The following VPS8 variants were observed in gnomAD, a reference collection of about 807,000 sequenced individuals.
VPS8 encodes the protein vacuolar protein sorting-associated protein 8 homolog.
Under a neutral mutation model 216.4 loss-of-function variants are expected in VPS8, and 129 were observed. The observed-to-expected ratio is 0.60, with a 90% confidence interval of 0.52 to 0.69. The LOEUF (loss-of-function observed/expected upper bound fraction) is 0.69, where lower values mean the gene tolerates loss of function less well. Among genes scored for constraint, VPS8 ranks in the 30% least tolerant of loss-of-function variants. The pLI is 0.00. For missense variants in VPS8, 1,531 were observed against 1,683.5 expected, an observed-to-expected ratio of 0.91 and a Z score of 1.59; for synonymous variants, 571 against 565.4, an observed-to-expected ratio of 1.01 and a Z score of -0.14.
intron 45 of VPS8, among the ~76,000 whole-genome samples, chr3:185,023,886 C>T (rs896608475): frequency 1.3e-5 from 2 of 152,068 alleles, no homozygotes; most frequent in African/African-American, 4.8e-5. Flanking sequence ...ACTAAACATC[C>T]TCTTATTATG....
intron 42 of VPS8, among the ~76,000 whole-genome samples, chr3:184,989,441 CT>C (rs1016794916): frequency 2.0e-5 from 3 of 149,476 alleles, no homozygotes; most frequent in South Asian, 4.2e-4. Context: ...TTTTTTTTTC[CT>C]TTTTTGTGGA....
At chr3:185,024,127 A>G (rs1327695610) in intron 45 of VPS8, among the ~76,000 whole-genome samples, 1 of 152,190 alleles carries the variant, frequency 6.6e-6, no homozygotes, top group Non-Finnish European at 1.5e-5. Flanking sequence ...TACCCAAATC[A>G]TATTTTTTTC....
chr3:184,850,665 G>A (rs983082191), intron 10 of VPS8, among the ~76,000 whole-genome samples: 2 of 152,162 alleles, frequency 1.3e-5, no homozygotes. Context: ...ACGCTGTCAA[G>A]CCCATGTTCA....
chr3:184,867,161 T>A (rs1727515859), intron 17 of VPS8, among the ~76,000 whole-genome samples: 1 of 152,250 alleles, frequency 6.6e-6, no homozygotes, highest in Non-Finnish European at 1.5e-5. Context: ...AGGTGCTGGC[T>A]AATAGGATGC....
intron 10 of VPS8, 83 bp downstream of exon 10, chr3:184,850,105 ATC>A: frequency 9.0e-7 from 1 of 1,112,564 alleles, no homozygotes; most frequent in African/African-American, 1.6e-5. Flanking sequence ...TATGTTGATG[ATC>A]AGAGTCCAAA....
intron 21 of VPS8, among the ~76,000 whole-genome samples, chr3:184,875,382 T>C (rs1729071844): frequency 6.6e-6 from 1 of 152,186 alleles, no homozygotes; most frequent in Non-Finnish European, 1.5e-5. Context: ...AAAATAACTT[T>C]TGGATCTTGT....
At chr3:185,026,543 C>CT (rs1185333662) in intron 46 of VPS8, among the ~76,000 whole-genome samples, 1 of 150,894 alleles carries the variant, frequency 6.6e-6, no homozygotes, top group Non-Finnish European at 1.5e-5. Context: ...TCCTGAGTAG[C>CT]TGGGATCACA....
intron 46 of VPS8, among the ~76,000 whole-genome samples, chr3:185,034,613 TTGTTGTTG>T (rs1561215156): frequency 2.1e-5 from 2 of 95,314 alleles, no homozygotes; most frequent in African/African-American, 1.5e-4. Context: ...GATAGTTTTG[TTGTTGTTG>T]TTGTTGTTGT....
intron 16 of VPS8, 40 bp from the exon 17 acceptor site, chr3:184,866,836 G>T (rs768052154): frequency 1.3e-6 from 2 of 1,571,052 alleles, no homozygotes; most frequent in African/African-American, 2.7e-5. Context: ...AAATACAAAG[G>T]AATTTTTTTA....
intron 43 of VPS8, 89 bp from the exon 44 acceptor site, chr3:184,996,243 C>A: frequency 7.1e-7 from 1 of 1,410,572 alleles, no homozygotes; most frequent in South Asian, 1.6e-5. Flanking sequence ...TAGTTGAAAA[C>A]TAAACAAGTG....
intron 6 of VPS8, 36 bp from the exon 7 acceptor site, chr3:184,839,662 A>T: frequency 6.4e-7 from 1 of 1,566,132 alleles, no homozygotes; most frequent in Non-Finnish European, 8.7e-7. Context: ...TTCTTAATGT[A>T]ATGTCTTAAA....
In VPS8 at chr3:184,981,683, G is replaced by T. The variant is rs939121752; in HGVS notation, c.3421-883G>T. The stretch of plus-strand genomic sequence containing the variant: ...GTTCCTGACCTCAGGTGGTCTGCCC[G>T]CCTCGGCCTCCCAAAGTGCTGGGAT... On this transcript the variant is annotated intron_variant, in intron 40 of 47. Coordinates refer to ENST00000625842, the MANE Select transcript of VPS8 (RefSeq NM_001009921.3). Among the ~76,000 whole-genome samples the T allele has an allele frequency of 2.6e-5, 4 of 152,104 alleles. No individual in the cohort carries two copies. In the South Asian group the frequency reaches 8.3e-4, roughly 32 times the overall value.
chr3:184,838,793 G>T, intron 6 of VPS8, 47 bp downstream of exon 6: 2 of 1,419,434 alleles, frequency 1.4e-6, no homozygotes, highest in South Asian at 1.3e-5. Context: ...ATTTGATTGG[G>T]TTTTCTTAGA....
intron 42 of VPS8, among the ~76,000 whole-genome samples, chr3:184,984,838 C>T (rs895759840): frequency 6.6e-6 from 1 of 152,104 alleles, no homozygotes. Flanking sequence ...TGAGCTTTAA[C>T]CACACATTAT....
At chr3:184,856,068 T>C (rs533461969) in intron 14 of VPS8, among the ~76,000 whole-genome samples, 1 of 152,366 alleles carries the variant, frequency 6.6e-6, no homozygotes, top group South Asian at 2.1e-4. Flanking sequence ...TATGTAAATG[T>C]ATAAAGATAT....
At chr3:184,908,142 A>G (rs1034961830) in intron 25 of VPS8, among the ~76,000 whole-genome samples, 8 of 152,210 alleles carry the variant, frequency 5.3e-5, no homozygotes, top group African/African-American at 1.9e-4. Flanking sequence ...TCCTGGGGAT[A>G]GTGCTGTTCC....
intron 34 of VPS8, among the ~76,000 whole-genome samples, chr3:184,930,961 A>G (rs1464959017): frequency 1.3e-5 from 2 of 152,180 alleles, no homozygotes; most frequent in Admixed American, 6.5e-5. Flanking sequence ...TCTCTTCCTT[A>G]TATAACAGGA....
chr3:184,987,508 T>G (rs1417731501), intron 42 of VPS8, among the ~76,000 whole-genome samples: 1 of 152,218 alleles, frequency 6.6e-6, no homozygotes, highest in African/African-American at 2.4e-5. Flanking sequence ...ATATTGGCTT[T>G]TTTCACTTAG....
chr3:184,824,537 T>A lies in VPS8; in HGVS notation c.-88-8T>A. The A allele has an allele frequency of 7.5e-7, 1 of 1,335,652 alleles. No individual in the cohort carries two copies. Among genetic ancestry groups the A allele is most frequent in the African/African-American group, 1.5e-5 (1 of 68,232 alleles). The allele number at this position is 1,335,652 out of a possible 1,614,324, so 82.7% of individuals were successfully genotyped here. On this transcript the variant is annotated splice_region_variant and splice_polypyrimidine_tract_variant and intron_variant, in intron 1 of 47. Transcript: ENST00000625842. ...GTTTTGTTTTTGTTTTTTTCTTTTTTTGAAAAGAGATAATCATTCAGGTCT... is the reference window on the plus strand; with the variant it reads ...GTTTTGTTTTTGTTTTTTTCTTTTTATGAAAAGAGATAATCATTCAGGTCT...
Sources: gnomAD v4.1 joint callset for allele counts (sites outside exome capture counted in the v4.1 genomes callset) on GRCh38, gnomAD v4.1.1 for gene constraint, MANE v1.5 for transcripts, NCBI Gene and HGNC (gene_info 2026-07-23, HGNC 2026-07-21) for gene names.